Variants in MACROD2 observed in about 807,000 individuals in gnomAD.
MACROD2 encodes ADP-ribose glycohydrolase MACROD2.
Under a neutral mutation model 70.4 loss-of-function variants are expected in MACROD2, and 36 were observed. The observed-to-expected ratio is 0.51, with a 90% CI of 0.39 to 0.68. The LOEUF (loss-of-function observed/expected upper bound fraction) is 0.68. Ranked by LOEUF, MACROD2 falls within the 30% of genes least tolerant of loss-of-function variation. The probability of loss-of-function intolerance (pLI) is 0.00; values close to 1 mark genes in which losing one functional copy is unlikely to be tolerated. For missense variants in MACROD2, 496 were observed against 538.4 expected, an observed-to-expected ratio of 0.92 and a Z score of 0.78; for synonymous variants, 172 against 178.8, an observed-to-expected ratio of 0.96 and a Z score of 0.30.
chr20:15,876,361 GTGT>G (rs2064673671), intron 9 of MACROD2, among the ~76,000 whole-genome samples: 1 of 151,956 alleles, frequency 6.6e-6, no homozygotes, highest in African/African-American at 2.4e-5. Context: ...AGAATATGCA[GTGT>G]TTGTTTTTTT....
At chr20:14,971,584 G>C (rs1295916257) in intron 5 of MACROD2, among the ~76,000 whole-genome samples, 1 of 151,990 alleles carries the variant, frequency 6.6e-6, no homozygotes, top group African/African-American at 2.4e-5. Context: ...ATTCCTGTGG[G>C]TTGACTGGGT....
At chr20:14,689,451 T>C (rs1223630821) in intron 5 of MACROD2, among the ~76,000 whole-genome samples, 1 of 152,208 alleles carries the variant, frequency 6.6e-6, no homozygotes, top group Non-Finnish European at 1.5e-5. Context: ...ATTTGATGAA[T>C]GAATGAATAA....
At chr20:14,587,962 G>T (rs912098911) in intron 4 of MACROD2, among the ~76,000 whole-genome samples, 2 of 151,978 alleles carry the variant, frequency 1.3e-5, no homozygotes, top group African/African-American at 4.8e-5. Flanking sequence ...TATGATTGTA[G>T]CTTCTAATTC....
intron 4 of MACROD2, among the ~76,000 whole-genome samples, chr20:14,528,290 C>CT (rs71335971): frequency 0.031 from 4,222 of 136,724 alleles, 75 homozygotes; most frequent in Middle Eastern, 0.043. Flanking sequence ...TGTGTTGTTG[C>CT]TTTTTTTTTT....
intron 5 of MACROD2, among the ~76,000 whole-genome samples, chr20:14,813,478 TTTGCTGAGGATAATGGCTTCTAGA>T (rs2072739068): frequency 6.6e-6 from 1 of 152,074 alleles, no homozygotes; most frequent in African/African-American, 2.4e-5. Flanking sequence ...CCTGCATTAG[TTTGCTGAGGATAATGGCTTCTAGA>T]TTCATCCATG....
intron 4 of MACROD2, among the ~76,000 whole-genome samples, chr20:14,665,468 A>G (rs1368224460): frequency 6.6e-6 from 1 of 152,066 alleles, no homozygotes; most frequent in Non-Finnish European, 1.5e-5. Flanking sequence ...GTTATGGAAT[A>G]GGAATATATA....
chr20:14,750,941 A>G (rs1451493698), intron 5 of MACROD2, among the ~76,000 whole-genome samples: 1 of 152,024 alleles, frequency 6.6e-6, no homozygotes, highest in Non-Finnish European at 1.5e-5. Context: ...TTAGCATTCT[A>G]TACTAGATCC....
At chr20:14,182,063 AC>A (rs373006114) in intron 3 of MACROD2, among the ~76,000 whole-genome samples, 1 of 152,180 alleles carries the variant, frequency 6.6e-6, no homozygotes, top group East Asian at 1.9e-4. Flanking sequence ...GAACTACCAA[AC>A]TTTTTCCCAC....
chr20:14,473,198 A>G (rs1433191412), intron 3 of MACROD2, among the ~76,000 whole-genome samples: 1 of 152,108 alleles, frequency 6.6e-6, no homozygotes, highest in East Asian at 1.9e-4. Flanking sequence ...GTAATGTATT[A>G]TTTATTGTTA....
intron 5 of MACROD2, among the ~76,000 whole-genome samples, chr20:15,216,691 C>T (rs555129395): frequency 6.6e-6 from 1 of 152,190 alleles, no homozygotes; most frequent in South Asian, 2.1e-4. Flanking sequence ...ACTGTGACAG[C>T]GACAAACTTT....
intron 12 of MACROD2, among the ~76,000 whole-genome samples, chr20:15,949,108 A>ATT (rs1283540907): frequency 6.6e-6 from 1 of 152,142 alleles, no homozygotes; most frequent in African/African-American, 2.4e-5. Context: ...TCACATCACC[A>ATT]TTGCTGTGTG....
intron 8 of MACROD2, among the ~76,000 whole-genome samples, chr20:15,615,418 T>C (rs1011997881): frequency 2.0e-5 from 3 of 152,128 alleles, no homozygotes; most frequent in Non-Finnish European, 4.4e-5. Flanking sequence ...AGAGTAGTGG[T>C]CACAAAAGGT....
chr20:15,925,635 T>C (rs2065477121), intron 10 of MACROD2, among the ~76,000 whole-genome samples: 5 of 152,212 alleles, frequency 3.3e-5, no homozygotes, highest in Admixed American at 3.3e-4. Flanking sequence ...CAGGTATTTG[T>C]TGAGCTCCTT....
chr20:14,561,566 T>C (rs1483252336), intron 4 of MACROD2, among the ~76,000 whole-genome samples: 1 of 151,836 alleles, frequency 6.6e-6, no homozygotes, highest in African/African-American at 2.4e-5. Context: ...GGGGTTTTCA[T>C]TGTTCATTTG....
chr20:15,849,639 T>C (rs1413001091), intron 8 of MACROD2, among the ~76,000 whole-genome samples: 1 of 152,198 alleles, frequency 6.6e-6, no homozygotes, highest in Non-Finnish European at 1.5e-5. Flanking sequence ...TAAGCAGCAA[T>C]GAATGACAAT....
At chr20:14,917,461 G>A (rs755126708) in intron 5 of MACROD2, among the ~76,000 whole-genome samples, 9 of 152,030 alleles carry the variant, frequency 5.9e-5, no homozygotes, top group Admixed American at 2.6e-4. Context: ...AATGCAGGGA[G>A]GACTCCATGA....
rs527988645 is a variant in MACROD2 at position 14,974,607 on chromosome 20, G to A, written c.419-255333G>A. The stretch of plus-strand genomic sequence containing the variant: ...ATAAATAATTACCTGGCCTAGAAAG[G>A]GAGGGTCATGTAGTGACAGCCACAT... On this transcript the variant is annotated intron_variant, in intron 5 of 17. Transcript: ENST00000684519. Among the ~76,000 whole-genome samples, 53 of 152,162 alleles carry A rather than the reference G, an allele frequency of 3.5e-4. No homozygotes were observed. In the South Asian group the frequency reaches 0.011, roughly 30 times the overall value.
At chr20:14,606,009 G>A (rs1187039592) in intron 4 of MACROD2, among the ~76,000 whole-genome samples, 2 of 152,064 alleles carry the variant, frequency 1.3e-5, no homozygotes, top group Non-Finnish European at 2.9e-5. Flanking sequence ...TTGCTCTTGT[G>A]TATATAAATC....
chr20:15,001,090 G>C (rs1022779504), intron 5 of MACROD2, among the ~76,000 whole-genome samples: 2 of 152,164 alleles, frequency 1.3e-5, no homozygotes, highest in African/African-American at 2.4e-5. Flanking sequence ...ATGATCTCAA[G>C]AATAATGGTG....
Sources: gnomAD v4.1 joint callset for allele counts (sites outside exome capture counted in the v4.1 genomes callset) on GRCh38, gnomAD v4.1.1 for gene constraint, MANE v1.5 for transcripts, NCBI Gene and HGNC (gene_info 2026-07-23, HGNC 2026-07-21) for gene names.